Variants in ZNF292 observed in about 807,000 individuals in gnomAD.
ZNF292 encodes the protein 16 zinc-finger domain protein.
Under a neutral mutation model 217.9 loss-of-function variants are expected in ZNF292, and 26 were observed. The observed-to-expected ratio is 0.12, with a 90% CI of 0.09 to 0.17. The LOEUF (loss-of-function observed/expected upper bound fraction) is 0.17. Among genes scored for constraint, ZNF292 ranks in the 10% least tolerant of loss-of-function variants. The pLI, the probability that ZNF292 is intolerant of heterozygous loss-of-function variation, is 1.00. For missense variants in ZNF292, 2,904 were observed against 3,175.2 expected (o/e 0.91, Z 2.05); for synonymous variants, 1,257 against 1,124.1 (o/e 1.12, Z -2.37).
chr6:87,243,284 T>TG (rs1774400676), intron 5 of ZNF292, among the ~76,000 whole-genome samples, 191 bp from the exon 6 acceptor site: 1 of 151,550 alleles, frequency 6.6e-6, no homozygotes, highest in Non-Finnish European at 1.5e-5. Flanking sequence ...AGAAAGGTTT[T>TG]TTTTTTTTTT....
intron 1 of ZNF292, among the ~76,000 whole-genome samples, chr6:87,178,158 C>T (rs926620613): frequency 4.6e-5 from 7 of 152,118 alleles, no homozygotes; most frequent in Non-Finnish European, 7.4e-5. Context: ...GATTTAATTA[C>T]GTGTTCCTCA....
chr6:87,187,942 A>G (rs1158560632), intron 1 of ZNF292, among the ~76,000 whole-genome samples: 2 of 152,146 alleles, frequency 1.3e-5, no homozygotes, highest in Non-Finnish European at 2.9e-5. Flanking sequence ...TCTGCTTATT[A>G]CTGCCATATG....
intron 1 of ZNF292, among the ~76,000 whole-genome samples, chr6:87,183,032 C>T (rs541090517): frequency 6.6e-6 from 1 of 152,108 alleles, no homozygotes; most frequent in Non-Finnish European, 1.5e-5. Context: ...GCAGTGATGA[C>T]TTCTGTGTAG....
At chr6:87,182,414 A>T (rs1771497571) in intron 1 of ZNF292, among the ~76,000 whole-genome samples, 1 of 152,236 alleles carries the variant, frequency 6.6e-6, no homozygotes, top group African/African-American at 2.4e-5. Flanking sequence ...TTAGCAAATG[A>T]CAGTCATGTA....
chr6:87,251,413 C>T (rs571137404), intron 7 of ZNF292, among the ~76,000 whole-genome samples: 1 of 152,134 alleles, frequency 6.6e-6, no homozygotes, highest in Admixed American at 6.5e-5. Context: ...ACTAGGCAGC[C>T]AGAGGGAAAG....
At chr6:87,222,417 A>G (rs1484929459) in intron 4 of ZNF292, among the ~76,000 whole-genome samples, 1 of 152,190 alleles carries the variant, frequency 6.6e-6, no homozygotes, top group East Asian at 1.9e-4. Flanking sequence ...GTGAAAGACC[A>G]TAACAAGTGT....
Position 87,259,137 on chromosome 6 carries a change from A to G in ZNF292, c.5508A>G (p.Gln1836=). ...PQSEVSHKED[Q]IQEILEGLQK... is the part of the protein sequence containing the mutation. Reference sequence around the variant, plus strand: ...CTGAAGTATCACATAAGGAGGATCAAATACAGGAAATTTTAGAAGGCTTAC... The same window carrying G: ...CTGAAGTATCACATAAGGAGGATCAGATACAGGAAATTTTAGAAGGCTTAC... The change falls in exon 8 of 8, where the codon CAA becomes CAG. Residue 1836 remains glutamine, a synonymous_variant. Coordinates refer to ENST00000369577, the MANE Select transcript of ZNF292 (RefSeq NM_015021.3). 6.2e-7 allele frequency: 1 copy of G among 1,613,408 alleles called. No homozygotes were observed. Among genetic ancestry groups the G allele is most frequent in the Non-Finnish European group, 8.5e-7 (1 of 1,179,636 alleles).
intron 1 of ZNF292, among the ~76,000 whole-genome samples, chr6:87,168,465 A>G (rs79284546): frequency 0.011 from 1,600 of 152,270 alleles, 29 homozygotes; most frequent in African/African-American, 0.035. Context: ...GTGATGTTAT[A>G]TATTAGCTTC....
rs373346596 is a variant in ZNF292, at chr6:87,261,521, T to C, written c.7892T>C (p.Ile2631Thr). Residue 2631 changes from isoleucine to threonine, a missense_variant, in exon 8 of 8, where the codon ATT (isoleucine) becomes ACT (threonine). By Grantham distance (89) the Ile-to-Thr change is moderately conservative. Transcript: ENST00000369577. ...KGSHSNSRKNIDKTAVTSGNH... is the reference protein window; with the variant it reads ...KGSHSNSRKNTDKTAVTSGNH... ...TCCCATTCAAATTCAAGAAAAAATA[T>C]TGATAAGACTGCTGTGACTAGTGGA... 6.8e-6 allele frequency: 11 copies of C among 1,607,786 alleles called. 1 individual carries two copies. The highest frequency in any genetic ancestry group is 1.7e-5 in the Admixed American group (1 of 58,998).
intron 7 of ZNF292, among the ~76,000 whole-genome samples, chr6:87,247,585 A>C (rs1246626739): frequency 1.3e-5 from 2 of 152,152 alleles, no homozygotes; most frequent in African/African-American, 4.8e-5. Context: ...AATACCTAAG[A>C]TTCCTGCAGA....
chr6:87,257,317 C>G lies in ZNF292; in HGVS notation c.3688C>G (p.Gln1230Glu). 1 of 1,613,596 alleles carries G rather than the reference C, an allele frequency of 6.2e-7. No homozygotes were observed. The highest frequency in any genetic ancestry group is 8.5e-7 in the Non-Finnish European group (1 of 1,179,754). ...KNEQGGMLCS[Q>E]MENLPSTALP... ...TGAACAAGGTGGTATGTTATGTTCC[C>G]AAATGGAAAATTTACCTAGTACTGC... Residue 1230 changes from glutamine to glutamate, a missense_variant, in exon 8 of 8, where the codon CAA becomes GAA. Transcript: ENST00000369577.
chr6:87,257,595 A>T lies in ZNF292; in HGVS notation c.3966A>T (p.Ser1322=), dbSNP rs762021132. The stretch of plus-strand genomic sequence containing the variant: ...ATGGTGAAAATGCAGTTTTTCCTTC[A>T]CAAGTGAATGTTGCAAATAACTTCA... ...GGNGENAVFP[S]QVNVANNFSS... is the part of the protein sequence containing the mutation. The change falls in exon 8 of 8, where the codon TCA becomes TCT. Residue 1322 remains serine (S), a synonymous_variant. Coordinates refer to ENST00000369577, the MANE Select transcript of ZNF292 (RefSeq NM_015021.3). 1.2e-6 allele frequency: 2 copies of T among 1,606,692 alleles called. No homozygotes were observed. Among genetic ancestry groups the T allele is most frequent in the Non-Finnish European group, 1.7e-6 (2 of 1,176,114 alleles).
At chr6:87,226,203 TTC>T (rs1773334624) in intron 4 of ZNF292, among the ~76,000 whole-genome samples, 1 of 152,216 alleles carries the variant, frequency 6.6e-6, no homozygotes, top group Non-Finnish European at 1.5e-5. Context: ...AGCACTGCAG[TTC>T]TCTTTTTTCC....
intron 1 of ZNF292, among the ~76,000 whole-genome samples, chr6:87,200,521 C>G (rs1252647334): frequency 6.6e-6 from 1 of 152,190 alleles, no homozygotes; most frequent in Non-Finnish European, 1.5e-5. Flanking sequence ...AGGTTAGCAT[C>G]AAACATGCTC....
intron 7 of ZNF292, among the ~76,000 whole-genome samples, chr6:87,254,396 A>G (rs1453084438): frequency 6.6e-6 from 1 of 152,224 alleles, no homozygotes; most frequent in African/African-American, 2.4e-5. Flanking sequence ...ATAACTTCCA[A>G]GTTTGCCTAG....
At position 87,258,933 on chromosome 6, in the gene ZNF292, TCAAATA is replaced by T. The variant is rs1478050028; in HGVS notation, c.5306_5311del (p.Gln1769_Ile1770del). On this transcript the variant is annotated inframe_deletion, in exon 8 of 8. Coordinates refer to ENST00000369577, the MANE Select transcript of ZNF292 (RefSeq NM_015021.3). Reference sequence around the variant, plus strand: ...AAATTATTAAAACTGCTATGAATTCTCAAATACTTGAGGTAAAAAGTGGATCTCAGG... The same window carrying T: ...AAATTATTAAAACTGCTATGAATTCTCTTGAGGTAAAAAGTGGATCTCAGG... 2.5e-6 allele frequency: 4 copies of T among 1,611,406 alleles called. No homozygotes were observed. The highest frequency in any genetic ancestry group is 8.5e-7 in the Non-Finnish European group (1 of 1,178,550).
chr6:87,214,193 A>G (rs1453675830), intron 1 of ZNF292, among the ~76,000 whole-genome samples: 4 of 152,180 alleles, frequency 2.6e-5, no homozygotes, highest in Non-Finnish European at 5.9e-5. Context: ...CTTGGGTATA[A>G]TGTAGGCAGC....
In ZNF292 at chr6:87,258,635, T is replaced by G. The variant is rs1011967281; in HGVS notation, c.5006T>G (p.Leu1669Arg). Residue 1669 changes from leucine to arginine, a missense_variant, in exon 8 of 8, where the codon CTT (leucine) becomes CGT (arginine). Physicochemically the swap from Leu to Arg is moderately radical, Grantham distance 102 (BLOSUM62 -2). Coordinates refer to ENST00000369577, the MANE Select transcript of ZNF292 (RefSeq NM_015021.3). ...AKSVEIPTTN[L>R]HSNVIPTCEP... ...AGTGTTGAAATCCCAACTACTAACC[T>G]TCATTCAAATGTAATTCCAACTTGT... 4 of 1,613,560 alleles carry G rather than the reference T, an allele frequency of 2.5e-6. No homozygotes were observed. Among genetic ancestry groups the G allele is most frequent in the Non-Finnish European group, 3.4e-6 (4 of 1,179,740 alleles).
intron 3 of ZNF292, 44 bp from the exon 4 acceptor site, chr6:87,218,552 A>G: frequency 6.8e-7 from 1 of 1,477,730 alleles, no homozygotes; most frequent in South Asian, 1.4e-5. Flanking sequence ...GCTTGCTTTT[A>G]AAAATCTGTT....
Sources: allele counts gnomAD v4.1 joint callset (sites outside exome capture counted in the v4.1 genomes callset), GRCh38; gene constraint gnomAD v4.1.1; transcripts MANE v1.5; gene names NCBI Gene and HGNC (gene_info 2026-07-23, HGNC 2026-07-21).